The following NXN variants were observed in gnomAD, a reference collection of about 807,000 sequenced individuals.
NXN encodes the protein nucleoredoxin, also known as nucleoredoxin 1.
NXN carries 16 observed loss-of-function variants against 48.6 expected under a neutral mutation model. The observed-to-expected ratio is 0.33, with a 90% CI of 0.22 to 0.50. The LOEUF (loss-of-function observed/expected upper bound fraction) is 0.50. Among genes scored for constraint, NXN ranks in the 20% least tolerant of loss-of-function variants. The probability of loss-of-function intolerance (pLI) is 0.98; values close to 1 mark genes in which losing one functional copy is unlikely to be tolerated. For missense variants in NXN, 492 were observed against 605.5 expected (o/e 0.81, Z 1.97); for synonymous variants, 281 against 269.6 (o/e 1.04, Z -0.41).
At chr17:904,060 T>C (rs1782102081) in intron 1 of NXN, among the ~76,000 whole-genome samples, 2 of 152,240 alleles carry the variant, frequency 1.3e-5, no homozygotes, top group South Asian at 4.1e-4. Context: ...GCATTAACTT[T>C]AACGTAAATT....
At chr17:805,724 G>A (rs1011100561) in intron 5 of NXN, among the ~76,000 whole-genome samples, 10 of 152,152 alleles carry the variant, frequency 6.6e-5, no homozygotes, top group African/African-American at 2.4e-4. Flanking sequence ...TGTAGTCCCA[G>A]CTACTCGGGA....
At chr17:868,203 T>G (rs779899423) in intron 1 of NXN, among the ~76,000 whole-genome samples, 12 of 152,174 alleles carry the variant, frequency 7.9e-5, no homozygotes, top group Non-Finnish European at 1.8e-4. Context: ...CCTTCACACA[T>G]GGGATTCCCT....
intron 1 of NXN, 53 bp downstream of exon 1, chr17:979,266 G>GGGGTAACGGGCGTGGGGGGCGGGCAT: frequency 7.4e-7 from 1 of 1,342,558 alleles, no homozygotes; most frequent in Admixed American, 2.6e-5. Context: ...GGGGCGGGCA[G>GGGGTAACGGGCGTGGGGGGCGGGCAT]GGGTAACGGG....
At chr17:839,355 A>C (rs1914009680) in intron 1 of NXN, among the ~76,000 whole-genome samples, 1 of 151,958 alleles carries the variant, frequency 6.6e-6, no homozygotes, top group Non-Finnish European at 1.5e-5. Context: ...GAATCGCTTG[A>C]ACCTGGGAGG....
chr17:866,152 C>A (rs999867549), intron 1 of NXN, among the ~76,000 whole-genome samples: 1 of 151,940 alleles, frequency 6.6e-6, no homozygotes, highest in Non-Finnish European at 1.5e-5. Flanking sequence ...TAAAGCAGGT[C>A]GGCTATGCCG....
chr17:901,459 A>C (rs1216383031), intron 1 of NXN, among the ~76,000 whole-genome samples: 4 of 152,168 alleles, frequency 2.6e-5, no homozygotes, highest in Non-Finnish European at 5.9e-5. Flanking sequence ...GCCAGATCCC[A>C]AGTGACTCAA....
In NXN at chr17:963,214, G is replaced by GACAC. The variant is rs58535607; in HGVS notation, c.360+16101_360+16104dup. On this transcript the variant is annotated intron_variant, in intron 1 of 7. Transcript: ENST00000336868. Reference sequence around the variant, plus strand: ...AAAAAAAGGTATAGGTACTGGGACGGACACACACACACACACACACACACA... The same window carrying GACAC: ...AAAAAAAGGTATAGGTACTGGGACGGACACACACACACACACACACACACACACA... Among the ~76,000 whole-genome samples the GACAC allele has an allele frequency of 8.9e-3, 1,279 of 142,924 alleles. 7 individuals carry two copies. Among genetic ancestry groups the GACAC allele is most frequent in the South Asian group, 0.057 (254 of 4,478 alleles). The allele number at this position is 142,924 out of a possible 152,430, so 93.8% of individuals were successfully genotyped here. A position where few individuals can be genotyped will look rare whatever the true frequency, so the allele number is the denominator to read the frequency against.
At chr17:820,232 T>C (rs1912749070) in intron 4 of NXN, among the ~76,000 whole-genome samples, 1 of 152,210 alleles carries the variant, frequency 6.6e-6, no homozygotes, top group Non-Finnish European at 1.5e-5. Flanking sequence ...GGTACGTACA[T>C]TGGTCAGCTG....
In NXN at chr17:955,789, C is replaced by T. The variant is rs144702314; in HGVS notation, c.360+23530G>A. On this transcript the variant is annotated intron_variant, in intron 1 of 7. Transcript: ENST00000336868. ...TGGTGGCGGGCGCCTGTAGTCCCAG[C>T]AACTCGGGAGGCTGAGGCAGGAGAA... 8.0e-4 allele frequency among the ~76,000 whole-genome samples: 121 copies of T among 152,106 alleles called. No homozygotes were observed. The East Asian group carries it at 0.018, about 23-fold the overall frequency.
rs527868827 is a variant in NXN at position 840,807 on chromosome 17, C to G, written c.361-14729G>C. 2.0e-5 allele frequency among the ~76,000 whole-genome samples: 3 copies of G among 152,206 alleles called. No individual in the cohort carries two copies. In the East Asian group the frequency reaches 5.8e-4, roughly 29 times the overall value. On this transcript the variant is annotated intron_variant, in intron 1 of 7. Transcript: ENST00000336868. ...TGTCCATGGCAAGCCGGCTTCCATC[C>G]TAACCTGTTGCTCCAAATGCTGTCA...
chr17:812,155 C>T (rs1433033284), intron 5 of NXN, among the ~76,000 whole-genome samples: 1 of 151,216 alleles, frequency 6.6e-6, no homozygotes, highest in Non-Finnish European at 1.5e-5. Flanking sequence ...TCTCGATCTC[C>T]TGACCTCGTG....
At chr17:929,093 T>C (rs1031640671) in intron 1 of NXN, among the ~76,000 whole-genome samples, 1 of 152,238 alleles carries the variant, frequency 6.6e-6, no homozygotes, top group Non-Finnish European at 1.5e-5. Flanking sequence ...GCTAACAGCA[T>C]GTAAAACTTA....
intron 1 of NXN, among the ~76,000 whole-genome samples, chr17:974,154 C>T (rs986500751): frequency 2.1e-4 from 32 of 151,644 alleles, no homozygotes; most frequent in Non-Finnish European, 7.4e-5. Context: ...TCGAGACCAT[C>T]CTGGCTAACA....
intron 1 of NXN, among the ~76,000 whole-genome samples, chr17:885,566 T>G (rs916295625): frequency 6.6e-6 from 1 of 152,142 alleles, no homozygotes; most frequent in Admixed American, 6.5e-5. Context: ...CATAATCGTT[T>G]CTTAGCCAGG....
At chr17:960,966 A>G (rs2069229768) in intron 1 of NXN, among the ~76,000 whole-genome samples, 2 of 151,448 alleles carry the variant, frequency 1.3e-5, no homozygotes, top group Non-Finnish European at 2.9e-5. Context: ...TTCTATTTTT[A>G]GTAGAGACGG....
In NXN at chr17:978,136, G is replaced by A. The variant is rs1015936987; in HGVS notation, c.360+1183C>T. ...TCTGCACATATAAAAGGAACACGTG[G>A]CACGCCTCGCCATGCTCCCCAGAGG... On this transcript the variant is annotated intron_variant, in intron 1 of 7. Transcript: ENST00000336868. The surrounding 1 kb of genome is among the most constrained non-coding windows in gnomAD (Gnocchi z 4.1). Among the ~76,000 whole-genome samples, 1 of 152,144 alleles carries A rather than the reference G, an allele frequency of 6.6e-6. No homozygotes were observed. The highest frequency in any genetic ancestry group is 2.4e-5 in the African/African-American group (1 of 41,418).
chr17:873,857 G>C (rs557570406), intron 1 of NXN, among the ~76,000 whole-genome samples: 1 of 152,098 alleles, frequency 6.6e-6, no homozygotes. Context: ...GTGAGGGAGT[G>C]GGGGAAACAC....
intron 1 of NXN, among the ~76,000 whole-genome samples, chr17:937,980 TGAA>T (rs1472053037): frequency 6.6e-6 from 1 of 152,194 alleles, no homozygotes; most frequent in Non-Finnish European, 1.5e-5. Context: ...GGGCCGTCGC[TGAA>T]GAAGAACCCA....
At chr17:871,391 C>G (rs537263626) in intron 1 of NXN, among the ~76,000 whole-genome samples, 3 of 144,856 alleles carry the variant, frequency 2.1e-5, no homozygotes, top group Non-Finnish European at 3.0e-5. Flanking sequence ...TCGCAGCATA[C>G]GCATTCACTT....
Sources: gnomAD v4.1 joint callset for allele counts (sites outside exome capture counted in the v4.1 genomes callset) on GRCh38, gnomAD v4.1.1 for gene constraint, Gnocchi (gnomAD v3.1) non-coding constraint, MANE v1.5 for transcripts, NCBI Gene and HGNC (gene_info 2026-07-23, HGNC 2026-07-21) for gene names.